Variants in DCC observed in about 807,000 individuals in gnomAD.
The protein encoded by DCC is DCC netrin 1 receptor, also known as netrin receptor DCC.
Under a neutral mutation model 172.5 loss-of-function variants are expected in DCC, and 58 were observed. The ratio of observed to expected loss-of-function variants is 0.34; its 90% CI spans 0.27 to 0.42. The LOEUF is 0.42. Ranked by LOEUF, DCC falls within the 10% of genes least tolerant of loss-of-function variation. DCC has a pLI of 1.00. For missense variants in DCC, 1,740 were observed against 1,791.0 expected (o/e 0.97, Z 0.51); for synonymous variants, 709 against 644.5 (o/e 1.10, Z -1.52).
At chr18:52,419,127 G>C (rs1005734178) in intron 1 of DCC, 1 of 152,130 alleles carries the variant, frequency 6.6e-6, no homozygotes, top group Admixed American at 6.6e-5. Context: ...CCAAAGTGCT[G>C]GGATTACAGG....
chr18:52,471,909 C>G (rs889058712), intron 1 of DCC, among the ~76,000 whole-genome samples: 23 of 152,148 alleles, frequency 1.5e-4, no homozygotes, highest in Non-Finnish European at 2.5e-4. Context: ...GGGCAGAAAA[C>G]TGAAAAGGAG....
chr18:52,682,562 G>A (rs2035765978), intron 1 of DCC, among the ~76,000 whole-genome samples: 1 of 152,022 alleles, frequency 6.6e-6, no homozygotes, highest in Non-Finnish European at 1.5e-5. Flanking sequence ...AGCATTACAG[G>A]GAAGTCATAC....
At chr18:53,400,273 A>G (rs1473710521) in intron 18 of DCC, among the ~76,000 whole-genome samples, 2 of 152,028 alleles carry the variant, frequency 1.3e-5, no homozygotes, top group African/African-American at 4.8e-5. Flanking sequence ...CTTCCAAAGA[A>G]TGGAAAACTC....
chr18:53,430,255 T>C (rs1911529087), intron 21 of DCC, among the ~76,000 whole-genome samples: 1 of 152,134 alleles, frequency 6.6e-6, no homozygotes, highest in African/African-American at 2.4e-5. Flanking sequence ...ATTTGTTAGA[T>C]GGCCAGTCTG....
chr18:52,610,227 A>ATATATAT (rs2034245608), intron 1 of DCC, among the ~76,000 whole-genome samples: 20 of 96,118 alleles, frequency 2.1e-4, no homozygotes, highest in East Asian at 6.5e-4. Context: ...ATATATATAT[A>ATATATAT]AAATTAGCCA....
intron 26 of DCC, among the ~76,000 whole-genome samples, chr18:53,495,491 T>G (rs1003508618): frequency 6.6e-6 from 1 of 152,152 alleles, no homozygotes; most frequent in Admixed American, 6.5e-5. Flanking sequence ...GATCCGCTGA[T>G]AGTCTGATGG....
chr18:52,853,606 T>TA (rs2039009642), intron 2 of DCC, among the ~76,000 whole-genome samples: 3 of 152,340 alleles, frequency 2.0e-5, no homozygotes, highest in South Asian at 4.1e-4. Flanking sequence ...GTTCTCTGTT[T>TA]ACCTCCAGGA....
intron 7 of DCC, among the ~76,000 whole-genome samples, chr18:53,099,376 C>T (rs2043130332): frequency 6.6e-6 from 1 of 152,030 alleles, no homozygotes; most frequent in East Asian, 1.9e-4. Context: ...TTCTAGCTTC[C>T]TACTATGCCC....
At chr18:52,351,801 T>C (rs574668419) in intron 1 of DCC, among the ~76,000 whole-genome samples, 3 of 152,324 alleles carry the variant, frequency 2.0e-5, no homozygotes, top group African/African-American at 7.2e-5. Context: ...TTGTCCCTAT[T>C]ACTATTTCTT....
At chr18:53,053,898 A>G (rs940447684) in intron 5 of DCC, among the ~76,000 whole-genome samples, 2 of 152,154 alleles carry the variant, frequency 1.3e-5, no homozygotes, top group Admixed American at 1.3e-4. Context: ...TATCAATTGT[A>G]TATGTATGGA....
At chr18:52,736,377 G>T (rs2036730059) in intron 1 of DCC, among the ~76,000 whole-genome samples, 1 of 151,874 alleles carries the variant, frequency 6.6e-6, no homozygotes, top group Non-Finnish European at 1.5e-5. Flanking sequence ...GATTTAAGAT[G>T]GTCAGTAATT....
At chr18:52,466,089 G>A (rs1383576120) in intron 1 of DCC, among the ~76,000 whole-genome samples, 1 of 152,102 alleles carries the variant, frequency 6.6e-6, no homozygotes, top group East Asian at 1.9e-4. Context: ...TGATATTCAG[G>A]TGGTTTCATA....
intron 12 of DCC, among the ~76,000 whole-genome samples, chr18:53,243,219 A>C (rs1015619526): frequency 6.6e-6 from 1 of 152,110 alleles, no homozygotes; most frequent in Non-Finnish European, 1.5e-5. Context: ...TGTGAAGACA[A>C]CATCTGACTG....
chr18:53,462,329 G>A (rs548706520), intron 24 of DCC, among the ~76,000 whole-genome samples: 75 of 152,160 alleles, frequency 4.9e-4, no homozygotes, highest in Non-Finnish European at 9.0e-4. Context: ...ATTACTGCCT[G>A]AGCTCTGCCT....
chr18:52,591,875 A>G (rs1428899966), intron 1 of DCC, among the ~76,000 whole-genome samples: 1 of 150,530 alleles, frequency 6.6e-6, no homozygotes, highest in Non-Finnish European at 1.5e-5. Flanking sequence ...TAGGCTTCCA[A>G]AGCTCTAGGA....
intron 11 of DCC, among the ~76,000 whole-genome samples, chr18:53,209,893 A>T (rs1329303577): frequency 2.0e-5 from 3 of 152,240 alleles, no homozygotes; most frequent in Non-Finnish European, 4.4e-5. Context: ...ATAGATTATT[A>T]TTCATTAGTC....
intron 1 of DCC, among the ~76,000 whole-genome samples, chr18:52,424,344 C>A (rs1368742335): frequency 6.6e-6 from 1 of 152,070 alleles, no homozygotes; most frequent in Non-Finnish European, 1.5e-5. Flanking sequence ...AGAACCAGCA[C>A]CTTTCTAACT....
chr18:53,342,094 A>G (rs2057665988), intron 15 of DCC, among the ~76,000 whole-genome samples: 1 of 152,052 alleles, frequency 6.6e-6, no homozygotes, highest in South Asian at 2.1e-4. Flanking sequence ...TAAACTATAA[A>G]AAAGCTATTT....
At chr18:52,823,712 G>T (rs1159601682) in intron 2 of DCC, among the ~76,000 whole-genome samples, 1 of 152,146 alleles carries the variant, frequency 6.6e-6, no homozygotes, top group Non-Finnish European at 1.5e-5. Flanking sequence ...TATACTTCAT[G>T]ACTATAATAT....
Sources: gnomAD v4.1 joint callset for allele counts (sites outside exome capture counted in the v4.1 genomes callset) on GRCh38, gnomAD v4.1.1 for gene constraint, MANE v1.5 for transcripts, NCBI Gene and HGNC (gene_info 2026-07-23, HGNC 2026-07-21) for gene names.